Variants in DIAPH2 observed in about 807,000 individuals in gnomAD.
The protein encoded by DIAPH2 is diaphanous related formin 2.
Under a neutral mutation model 92.7 loss-of-function variants are expected in DIAPH2, and 35 were observed. The observed-to-expected ratio is 0.38, with a 90% CI of 0.29 to 0.50. The LOEUF is 0.50. Ranked by LOEUF, DIAPH2 falls within the 20% of genes least tolerant of loss-of-function variation. DIAPH2 has a pLI of 0.94. For synonymous variants in DIAPH2, 301 were observed against 280.4 expected (o/e 1.07, Z -0.73); for missense variants, 701 against 819.5 (o/e 0.86, Z 1.77).
intron 4 of DIAPH2, among the ~76,000 whole-genome samples, chrX:96,856,842 G>C (rs184856990): frequency 1.5e-3 from 163 of 110,445 alleles, no homozygotes; most frequent in African/African-American, 5.1e-3. Flanking sequence ...TTTGAAACCA[G>C]CCTGGCCAAC....
intron 4 of DIAPH2, among the ~76,000 whole-genome samples, chrX:96,849,312 T>G (rs1205273878): frequency 9.0e-6 from 1 of 111,426 alleles, no homozygotes; most frequent in Admixed American, 9.6e-5. Context: ...ATTACAGGCA[T>G]GTGCCACCAC....
chrX:97,404,933 T>G (rs1170818643), intron 25 of DIAPH2, among the ~76,000 whole-genome samples: 1 of 112,273 alleles, frequency 8.9e-6, no homozygotes, highest in Non-Finnish European at 1.9e-5. Context: ...CTAGATAATA[T>G]TGTCATTATT....
intron 26 of DIAPH2, among the ~76,000 whole-genome samples, chrX:97,438,542 T>C (rs1338267460): frequency 1.9e-5 from 2 of 107,396 alleles, no homozygotes; most frequent in East Asian, 2.9e-4. Context: ...TTTTTACTTA[T>C]TTATTTATTT....
At chrX:97,323,616 C>G (rs2068922982) in intron 23 of DIAPH2, among the ~76,000 whole-genome samples, 1 of 71,499 alleles carries the variant, frequency 1.4e-5, no homozygotes, top group Non-Finnish European at 2.6e-5. Context: ...AAAAAAAAAG[C>G]TCAGGGACCG....
At chrX:97,527,154 T>A (rs1468429657) in intron 26 of DIAPH2, among the ~76,000 whole-genome samples, 1 of 112,354 alleles carries the variant, frequency 8.9e-6, no homozygotes, top group Non-Finnish European at 1.9e-5. Flanking sequence ...TCCTAATACA[T>A]CTACTTGGTT....
chrX:97,351,709 A>G (rs2069215795), intron 24 of DIAPH2, among the ~76,000 whole-genome samples: 1 of 111,017 alleles, frequency 9.0e-6, no homozygotes, highest in East Asian at 2.8e-4. Context: ...AGGCTGAGGC[A>G]GGAGAATAGC....
At chrX:97,423,913 A>G (rs188164966) in intron 25 of DIAPH2, among the ~76,000 whole-genome samples, 11 of 112,208 alleles carry the variant, frequency 9.8e-5, no homozygotes, top group African/African-American at 3.6e-4. Flanking sequence ...TAGACCAAAA[A>G]AAACCCTACT....
In DIAPH2 at chrX:96,931,613, AAAC is replaced by A. The variant is rs763375132; in HGVS notation, c.1089+782_1089+784del. On this transcript the variant is annotated intron_variant, in intron 10 of 26. Coordinates refer to ENST00000324765, the MANE Select transcript of DIAPH2 (RefSeq NM_006729.5). ...AGAAAAAAGCACTAAGGAGAGAAAAAAACAACAACAACAAATGTCATTGAATGT... is the reference window on the plus strand; with the variant it reads ...AGAAAAAAGCACTAAGGAGAGAAAAAAACAACAACAAATGTCATTGAATGT... Among the ~76,000 whole-genome samples, 20 of 110,296 alleles carry A rather than the reference AAAC, an allele frequency of 1.8e-4. No homozygotes were observed. The South Asian group carries it at 3.5e-3, about 20-fold the overall frequency.
At chrX:97,072,849 T>G in intron 17 of DIAPH2, 92 bp from the exon 18 acceptor site, 1 of 477,648 alleles carries the variant, frequency 2.1e-6, no homozygotes, top group South Asian at 4.6e-5. Context: ...CAGAATGAGC[T>G]TTATTAATGT....
intron 14 of DIAPH2, 107 bp downstream of exon 14, chrX:96,945,698 G>C (rs780584759): frequency 5.7e-6 from 3 of 522,841 alleles, no homozygotes; most frequent in Non-Finnish European, 8.8e-6. Flanking sequence ...CATTTATGTA[G>C]TACTTTATAC....
chrX:97,496,543 T>A (rs1383498332), intron 26 of DIAPH2, among the ~76,000 whole-genome samples: 1 of 111,433 alleles, frequency 9.0e-6, no homozygotes, highest in Non-Finnish European at 1.9e-5. Context: ...GCTTTAGTTT[T>A]CCATCTTCAC....
chrX:97,097,141 G>A (rs1436541037), intron 19 of DIAPH2, among the ~76,000 whole-genome samples: 1 of 111,382 alleles, frequency 9.0e-6, no homozygotes, highest in East Asian at 2.8e-4. Context: ...TTATGGGAAT[G>A]AAAAAATACT....
At chrX:97,092,915 TG>T (rs2066836553) in intron 19 of DIAPH2, among the ~76,000 whole-genome samples, 1 of 111,288 alleles carries the variant, frequency 9.0e-6, no homozygotes, top group Admixed American at 9.6e-5. Context: ...CCAGGCACAG[TG>T]GCTTACACCT....
At chrX:97,004,270 C>T (rs1056633383) in intron 17 of DIAPH2, among the ~76,000 whole-genome samples, 12 of 111,208 alleles carry the variant, frequency 1.1e-4, no homozygotes, top group Non-Finnish European at 5.7e-5. Flanking sequence ...TGGCTATTCT[C>T]AGTCTTTTGT....
Position 97,270,000 on chromosome X carries a change from G to A in DIAPH2, c.2844+22161G>A, listed in dbSNP as rs960710772. Among the ~76,000 whole-genome samples the A allele has an allele frequency of 1.2e-4, 13 of 110,113 alleles. No homozygotes were observed. In the South Asian group the frequency reaches 2.4e-3, roughly 20 times the overall value. On this transcript the variant is annotated intron_variant, in intron 23 of 26. Transcript: ENST00000324765. ...GGCTGGAGTGCAGTGGCGTGATCTC[G>A]GCTCACCACAACCTCCGCTTCCCAG...
At chrX:97,172,140 T>C (rs1409889598) in intron 22 of DIAPH2, among the ~76,000 whole-genome samples, 1 of 111,906 alleles carries the variant, frequency 8.9e-6, no homozygotes, top group Non-Finnish European at 1.9e-5. Context: ...AATAGTTTAC[T>C]GAATATAAGT....
At chrX:96,865,396 A>G (rs941670553) in intron 4 of DIAPH2, among the ~76,000 whole-genome samples, 1 of 112,178 alleles carries the variant, frequency 8.9e-6, no homozygotes, top group Non-Finnish European at 1.9e-5. Context: ...CAAAGAGGGG[A>G]TATTTGAATG....
intron 23 of DIAPH2, among the ~76,000 whole-genome samples, chrX:97,281,610 A>G (rs1457027106): frequency 1.8e-5 from 2 of 109,569 alleles, no homozygotes; most frequent in Non-Finnish European, 3.8e-5. Context: ...CGGGCGTGGC[A>G]ACGGCCGCCT....
At chrX:97,392,084 A>G (rs2069665140) in intron 25 of DIAPH2, among the ~76,000 whole-genome samples, 1 of 112,009 alleles carries the variant, frequency 8.9e-6, no homozygotes, top group Admixed American at 9.5e-5. Context: ...TGGTATTACT[A>G]AAAATTTAAA....
Sources: gnomAD v4.1 joint callset for allele counts (sites outside exome capture counted in the v4.1 genomes callset) on GRCh38, gnomAD v4.1.1 for gene constraint, MANE v1.5 for transcripts, NCBI Gene and HGNC (gene_info 2026-07-23, HGNC 2026-07-21) for gene names.